POLA1: variants seen among roughly 807,000 people sequenced by gnomAD.
POLA1 encodes the protein DNA polymerase alpha 1, catalytic subunit.
POLA1 carries 15 observed loss-of-function variants against 124.0 expected under a neutral mutation model. The observed-to-expected ratio is 0.12, with a 90% CI of 0.08 to 0.19. POLA1 has a LOEUF of 0.19. POLA1 is among the 10% of genes least tolerant of loss of function. POLA1 has a pLI of 1.00. For missense variants in POLA1, 886 were observed against 1,103.4 expected, an observed-to-expected ratio of 0.80 and a Z score of 2.79; for synonymous variants, 408 against 389.4, an observed-to-expected ratio of 1.05 and a Z score of -0.56.
At chrX:24,969,140 G>A (rs748440722) in intron 36 of POLA1, among the ~76,000 whole-genome samples, 209 of 109,704 alleles carry the variant, frequency 1.9e-3, no homozygotes, top group Middle Eastern at 0.014. Context: ...CCTGGGAGGC[G>A]GAGGTTGCAG....
intron 4 of POLA1, among the ~76,000 whole-genome samples, chrX:24,714,165 T>C (rs752972554): frequency 1.8e-5 from 2 of 112,162 alleles, no homozygotes; most frequent in African/African-American, 3.2e-5. Context: ...TTTTGTTTTG[T>C]TTTGTTTTTT....
intron 4 of POLA1, among the ~76,000 whole-genome samples, chrX:24,711,056 C>T: frequency 9.0e-6 from 1 of 111,728 alleles, no homozygotes. Flanking sequence ...GATTTGGGCT[C>T]ACTGCAACCT....
intron 35 of POLA1, among the ~76,000 whole-genome samples, chrX:24,888,600 G>GTTTTTTT: frequency 2.0e-5 from 1 of 49,169 alleles, no homozygotes; most frequent in Non-Finnish European, 3.5e-5. Context: ...TTGTTTGCTT[G>GTTTTTTT]TTTTTTTTTT....
intron 34 of POLA1, among the ~76,000 whole-genome samples, chrX:24,857,637 G>A (rs1316245101): frequency 9.0e-6 from 1 of 111,355 alleles, no homozygotes; most frequent in Non-Finnish European, 1.9e-5. Context: ...TACCTAAGGA[G>A]TACCTTTTGG....
intron 30 of POLA1, among the ~76,000 whole-genome samples, chrX:24,820,892 C>T (rs894289842): frequency 8.9e-6 from 1 of 111,773 alleles, no homozygotes; most frequent in Admixed American, 9.5e-5. Flanking sequence ...TATCAAGCAT[C>T]GTTAGGAACA....
chrX:24,717,017 T>C (rs1929886544), intron 8 of POLA1, 46 bp downstream of exon 8: 1 of 877,729 alleles, frequency 1.1e-6, no homozygotes, highest in South Asian at 2.2e-5. Flanking sequence ...GAGTGGTTTC[T>C]GTCAAAAATG....
intron 1 of POLA1, 148 bp downstream of exon 1, chrX:24,694,152 GCTTC>G: frequency 1.7e-6 from 1 of 586,036 alleles, no homozygotes. Context: ...GTCGGACCGG[GCTTC>G]CTTTAGGCGC....
At chrX:24,774,201 A>G (rs1352564639) in intron 26 of POLA1, among the ~76,000 whole-genome samples, 2 of 107,557 alleles carry the variant, frequency 1.9e-5, no homozygotes, top group Non-Finnish European at 1.9e-5. Flanking sequence ...ATCCTTGCCC[A>G]CTCTGCCCTC....
intron 35 of POLA1, among the ~76,000 whole-genome samples, chrX:24,918,260 G>A (rs933010549): frequency 9.3e-6 from 1 of 107,152 alleles, no homozygotes; most frequent in Admixed American, 1.0e-4. Context: ...CATCATTTTT[G>A]AAAATTTCAT....
intron 36 of POLA1, among the ~76,000 whole-genome samples, chrX:24,951,871 G>A (rs983362000): frequency 1.8e-5 from 2 of 111,602 alleles, no homozygotes; most frequent in African/African-American, 6.5e-5. Flanking sequence ...GAAATGTGGG[G>A]ATTTGAATCT....
chrX:24,716,595 T>G (rs1346157890), intron 7 of POLA1, 141 bp downstream of exon 7: 4 of 439,423 alleles, frequency 9.1e-6, no homozygotes, highest in African/African-American at 7.4e-5. Flanking sequence ...AATTTATAGT[T>G]TCATGTATTT....
At chrX:24,702,579 G>A in intron 2 of POLA1, among the ~76,000 whole-genome samples, 1 of 112,170 alleles carries the variant, frequency 8.9e-6, no homozygotes, top group Middle Eastern at 4.6e-3. Context: ...CAATATGATT[G>A]GAGGACCTGC....
intron 32 of POLA1, among the ~76,000 whole-genome samples, chrX:24,831,892 A>C (rs901294636): frequency 2.7e-5 from 3 of 111,974 alleles, no homozygotes; most frequent in African/African-American, 9.7e-5. Flanking sequence ...AGTCTAGTCT[A>C]CTTTTGTATT....
At chrX:24,869,707 T>C (rs1186624862) in intron 34 of POLA1, among the ~76,000 whole-genome samples, 1 of 111,861 alleles carries the variant, frequency 8.9e-6, no homozygotes, top group Non-Finnish European at 1.9e-5. Flanking sequence ...ATCTCAGAGC[T>C]CTTGGGGGCT....
Position 24,815,050 on chromosome X carries a change from T to C in POLA1, c.3368T>C (p.Ile1123Thr). The C allele has an allele frequency of 9.1e-6, 11 of 1,202,775 alleles. No individual in the cohort carries two copies. The highest frequency in any genetic ancestry group is 1.2e-5 in the Non-Finnish European group (11 of 889,736). Residue 1123 changes from isoleucine to threonine, a missense_variant, in exon 30 of 37, where the codon ATA becomes ACA. Physicochemically the swap from Ile to Thr is moderately conservative, Grantham distance 89. This residue lies in a region of POLA1 where 313 missense variants were observed against 359.7 expected (regional missense o/e 0.87). Transcript: ENST00000379068. ...GTGGAAAACATTCAGAAGAGGCTGATAGAAATTGGAGAAAATGTGCTAAAT... is the reference window on the plus strand; with the variant it reads ...GTGGAAAACATTCAGAAGAGGCTGACAGAAATTGGAGAAAATGTGCTAAAT... ...TIVENIQKRL[I>T]EIGENVLNGS...
At chrX:24,978,384 C>G (rs1401444235) in intron 36 of POLA1, among the ~76,000 whole-genome samples, 1 of 111,629 alleles carries the variant, frequency 9.0e-6, no homozygotes, top group East Asian at 2.8e-4. Context: ...TTGCAGGGAT[C>G]TTTTTTACAT....
chrX:24,860,077 C>T (rs1043781954), intron 34 of POLA1, among the ~76,000 whole-genome samples: 3 of 112,487 alleles, frequency 2.7e-5, no homozygotes, highest in Admixed American at 9.4e-5. Context: ...CCTGCCCTCA[C>T]GACCATGACC....
chrX:24,852,311 CT>C (rs111941385), intron 34 of POLA1, among the ~76,000 whole-genome samples: 60 of 102,259 alleles, frequency 5.9e-4, no homozygotes, highest in Non-Finnish European at 7.8e-4. Context: ...CCTTAGCTTG[CT>C]TTTTTTTTTT....
At chrX:24,989,604 C>T (rs954766321) in intron 36 of POLA1, among the ~76,000 whole-genome samples, 3 of 111,128 alleles carry the variant, frequency 2.7e-5, no homozygotes, top group African/African-American at 9.8e-5. Flanking sequence ...ACTCAGAATG[C>T]TTCCATTTTC....
Sources: allele counts gnomAD v4.1 joint callset (sites outside exome capture counted in the v4.1 genomes callset), GRCh38; gene constraint gnomAD v4.1.1; regional missense constraint gnomAD v4.1.1; transcripts MANE v1.5; gene names NCBI Gene and HGNC (gene_info 2026-07-23, HGNC 2026-07-21).